The following SASH1 variants were observed in gnomAD, a reference collection of about 807,000 sequenced individuals.
SASH1 encodes SAM and SH3 domain containing 1, also known as SAM and SH3 domain-containing protein 1.
SASH1 carries 44 observed loss-of-function variants against 125.2 expected under a neutral mutation model. The observed-to-expected ratio is 0.35, with a 90% CI of 0.28 to 0.45. The LOEUF (loss-of-function observed/expected upper bound fraction) is 0.45, where lower values mean the gene tolerates loss of function less well. Ranked by LOEUF, SASH1 falls within the 20% of genes least tolerant of loss-of-function variation. SASH1 has a pLI of 1.00. For synonymous variants in SASH1, 639 were observed against 649.1 expected (o/e 0.98, Z 0.24); for missense variants, 1,426 against 1,614.5 (o/e 0.88, Z 2.00).
At chr6:148,364,242 T>C (rs1465695906) in intron 1 of SASH1, among the ~76,000 whole-genome samples, 1 of 152,126 alleles carries the variant, frequency 6.6e-6, no homozygotes, top group Non-Finnish European at 1.5e-5. Flanking sequence ...AAACTTCTTA[T>C]TAGCAGAGGA....
At chr6:148,330,164 A>T (rs1204187143) in intron 1 of SASH1, among the ~76,000 whole-genome samples, 3 of 152,198 alleles carry the variant, frequency 2.0e-5, no homozygotes, top group Admixed American at 2.0e-4. Flanking sequence ...TGCCTTTTTT[A>T]AAAATACTCA....
intron 1 of SASH1, among the ~76,000 whole-genome samples, chr6:148,323,607 C>CTG (rs1459435823): frequency 6.6e-6 from 1 of 152,126 alleles, no homozygotes; most frequent in Non-Finnish European, 1.5e-5. Flanking sequence ...ATGAGAGATC[C>CTG]AACTCAGTAA....
intron 1 of SASH1, among the ~76,000 whole-genome samples, chr6:148,354,604 C>T (rs1781855319): frequency 6.6e-6 from 1 of 152,024 alleles, no homozygotes; most frequent in African/African-American, 2.4e-5. Context: ...CTTAGGTTTC[C>T]AGTCAAGAAT....
At chr6:148,299,115 A>G (rs1301164919) in intron 1 of SASH1, among the ~76,000 whole-genome samples, 2 of 152,232 alleles carry the variant, frequency 1.3e-5, no homozygotes, top group Non-Finnish European at 2.9e-5. Context: ...ACAAATACCT[A>G]CTGAGCCCTC....
Position 148,368,909 on chromosome 6 carries a change from G to A in SASH1, c.157-21225G>A, listed in dbSNP as rs1240126039. ...CTTGTTTTACAAACTTGATCAAATG[G>A]AACAAAAACAAATAATTTTCAAGGC... On this transcript the variant is annotated intron_variant, in intron 1 of 19. Transcript: ENST00000367467. Among the ~76,000 whole-genome samples, 13 of 152,248 alleles carry A rather than the reference G, an allele frequency of 8.5e-5. No homozygotes were observed. In the South Asian group the frequency reaches 1.0e-3, roughly 12 times the overall value.
the SASH1 span, among the ~76,000 whole-genome samples, chr6:148,199,789 G>GGA: frequency 3.0e-4 from 41 of 138,834 alleles, no homozygotes; most frequent in Non-Finnish European, 5.1e-4. Flanking sequence ...AAGGAAGGAA[G>GGA]GAGAGAGAGA....
At chr6:148,342,047 T>C (rs559652476), upstream of SASH1, among the ~76,000 whole-genome samples, 204 of 152,268 alleles carry the variant, frequency 1.3e-3, 1 homozygote, top group South Asian at 2.9e-3. Context: ...TACACAATCA[T>C]TTGAATTTAG....
intron 2 of SASH1, among the ~76,000 whole-genome samples, chr6:148,414,212 G>A (rs999021756): frequency 2.6e-5 from 4 of 152,090 alleles, no homozygotes; most frequent in Non-Finnish European, 4.4e-5. Context: ...TAGGTCTTAA[G>A]GCACAGTCAG....
intron 1 of SASH1, among the ~76,000 whole-genome samples, chr6:148,273,431 T>A (rs1316373961): frequency 1.3e-5 from 2 of 151,468 alleles, no homozygotes; most frequent in Admixed American, 1.3e-4. Context: ...GTAGCTGGGA[T>A]TACAGGCACC....
At chr6:148,514,273 C>A in intron 8 of SASH1, 51 bp from the exon 9 acceptor site, 1 of 1,574,778 alleles carries the variant, frequency 6.4e-7, no homozygotes, top group South Asian at 1.2e-5. Flanking sequence ...GCCACACGGG[C>A]AAAGCTCGGA....
the SASH1 span, among the ~76,000 whole-genome samples, chr6:148,230,626 C>T: frequency 1.3e-5 from 2 of 152,186 alleles, no homozygotes; most frequent in Non-Finnish European, 2.9e-5. Context: ...TCCTCACCAG[C>T]GCTATGTAAA....
intron 1 of SASH1, among the ~76,000 whole-genome samples, chr6:148,313,664 A>T (rs989097867): frequency 5.9e-5 from 9 of 152,162 alleles, no homozygotes; most frequent in South Asian, 2.1e-4. Flanking sequence ...TTTGTAGAGC[A>T]GATGGCATGT....
intron 1 of SASH1, among the ~76,000 whole-genome samples, chr6:148,309,455 G>A (rs1033954558): frequency 6.6e-6 from 1 of 152,042 alleles, no homozygotes; most frequent in Non-Finnish European, 1.5e-5. Flanking sequence ...CACTAGTGTG[G>A]CATATTTCCC....
intron 4 of SASH1, among the ~76,000 whole-genome samples, chr6:148,451,345 C>T (rs897147743): frequency 6.6e-6 from 1 of 152,310 alleles, no homozygotes; most frequent in South Asian, 2.1e-4. Context: ...AAAGTGCTTT[C>T]GGCTTGTAAA....
At chr6:148,486,969 ATATATATATATATATATATATATATG>A in intron 7 of SASH1, among the ~76,000 whole-genome samples, 1 of 33,506 alleles carries the variant, frequency 3.0e-5, no homozygotes, top group Admixed American at 3.2e-4. Flanking sequence ...ATATATATAT[ATATATATATATATATATATATATATG>A]TATTTGCTTA....
the SASH1 span, among the ~76,000 whole-genome samples, chr6:148,265,152 T>C: frequency 6.6e-6 from 1 of 152,198 alleles, no homozygotes; most frequent in Admixed American, 6.5e-5. Context: ...GTCTTAGAAA[T>C]TGGATTGATA....
chr6:148,227,802 C>T, the SASH1 span, among the ~76,000 whole-genome samples: 1 of 152,190 alleles, frequency 6.6e-6, no homozygotes, highest in Non-Finnish European at 1.5e-5. Flanking sequence ...CATTCCATCA[C>T]CTGAAATAGG....
chr6:148,435,190 C>T (rs900520300), intron 2 of SASH1, among the ~76,000 whole-genome samples: 2 of 151,900 alleles, frequency 1.3e-5, no homozygotes, highest in African/African-American at 4.8e-5. Context: ...CCAGCCTGGC[C>T]AATATGGTGA....
Position 148,462,301 on chromosome 6 carries a change from C to CTT in SASH1, c.387-6233_387-6232dup, listed in dbSNP as rs57899343. Among the ~76,000 whole-genome samples, 37 of 144,804 alleles carry CTT rather than the reference C, an allele frequency of 2.6e-4. 2 individuals carry two copies. The highest frequency in any genetic ancestry group is 7.8e-4 in the African/African-American group (31 of 39,630). 95.0% of individuals were successfully genotyped at this position (144,804 alleles called of 152,430 possible). A position where few individuals can be genotyped will look rare whatever the true frequency, so the allele number is the denominator to read the frequency against. On this transcript the variant is annotated intron_variant, in intron 4 of 19. Coordinates refer to ENST00000367467, the MANE Select transcript of SASH1 (RefSeq NM_015278.5). ...CTTTCCTTTCTTTTTCTTTTCTTTT[C>CTT]TTTTTTTTTTTTCTTGGTTATAATG...
Sources: gnomAD v4.1 joint callset for allele counts (sites outside exome capture counted in the v4.1 genomes callset) on GRCh38, gnomAD v4.1.1 for gene constraint, MANE v1.5 for transcripts, NCBI Gene and HGNC (gene_info 2026-07-23, HGNC 2026-07-21) for gene names.